Variants in ZNF558 observed in about 807,000 individuals in gnomAD.
ZNF558 encodes the protein zinc finger protein 558.
ZNF558 carries 23 observed loss-of-function variants against 37.6 expected under a neutral mutation model. The ratio of observed to expected loss-of-function variants is 0.61; its 90% CI spans 0.44 to 0.87. The LOEUF is 0.87. ZNF558 is among the 40% of genes least tolerant of loss of function. ZNF558 has a pLI of 0.00. For synonymous variants in ZNF558, 189 were observed against 174.4 expected, an observed-to-expected ratio of 1.08 and a Z score of -0.66; for missense variants, 429 against 483.7, an observed-to-expected ratio of 0.89 and a Z score of 1.06.
At chr19:8,836,651 C>T (rs2044459178), upstream of ZNF558, among the ~76,000 whole-genome samples, 1 of 152,038 alleles carries the variant, frequency 6.6e-6, no homozygotes, top group South Asian at 2.1e-4. Flanking sequence ...ACCACCACGC[C>T]CAGCTAGTTT....
intron 7 of ZNF558, among the ~76,000 whole-genome samples, chr19:8,816,715 A>G (rs1441494096): frequency 1.3e-5 from 2 of 152,244 alleles, no homozygotes; most frequent in African/African-American, 4.8e-5. Context: ...CCACAGAAGG[A>G]AGTGAAGAAC....
chr19:8,813,987 T>A (rs2043864678), intron 7 of ZNF558, among the ~76,000 whole-genome samples: 1 of 152,192 alleles, frequency 6.6e-6, no homozygotes, highest in African/African-American at 2.4e-5. Flanking sequence ...AAAGAAGTGA[T>A]GACAGTGACA....
At position 8,821,229 on chromosome 19, in the gene ZNF558, T is replaced by A; in HGVS notation, c.198A>T (p.Thr66=). The A allele has an allele frequency of 1.9e-6, 3 of 1,614,164 alleles. No individual in the cohort carries two copies. Among genetic ancestry groups the A allele is most frequent in the Non-Finnish European group, 2.5e-6 (3 of 1,180,026 alleles). Residue 66 remains threonine (T), a synonymous_variant, in exon 7 of 10, where the codon ACA becomes ACT. Transcript: ENST00000601372. ...EWALLDPAQR[T]LYRDVMLENC... ...TCTCCAGCATCACATCCCTGTACAGTGTCCTTTGGGCAGGGTCCAGCAACG... is the reference window on the plus strand; with the variant it reads ...TCTCCAGCATCACATCCCTGTACAGAGTCCTTTGGGCAGGGTCCAGCAACG...
rs944576064 is a variant in ZNF558 at position 8,824,135 on chromosome 19, G to A, written c.-119C>T. The A allele has an allele frequency of 1.3e-5, 2 of 152,398 alleles. No individual in the cohort carries two copies. Among genetic ancestry groups the A allele is most frequent in the African/African-American group, 4.8e-5 (2 of 41,446 alleles). 9.4% of individuals were successfully genotyped at this position (152,398 alleles called of 1,614,324 possible). ...AGACAGCGGGGGTGGGTGCAGGGGT[G>A]ACTTTCAGGACCAGGTCTTGGAAGG... is the stretch of plus-strand genomic sequence containing the variant. On this transcript the variant is annotated 5_prime_UTR_variant, in exon 4 of 10. Coordinates refer to ENST00000601372, the MANE Select transcript of ZNF558 (RefSeq NM_144693.3).
intron 7 of ZNF558, among the ~76,000 whole-genome samples, chr19:8,814,023 T>G (rs959269717): frequency 5.3e-5 from 8 of 152,172 alleles, no homozygotes; most frequent in African/African-American, 1.9e-4. Context: ...ATTCCAAACG[T>G]TCATCCCTCC....
upstream of ZNF558, among the ~76,000 whole-genome samples, chr19:8,834,063 A>G (rs773499096): frequency 2.0e-5 from 3 of 152,322 alleles, no homozygotes; most frequent in Non-Finnish European, 4.4e-5. Context: ...AAAAAATTTT[A>G]TGTAAGAGAG....
Position 8,821,426 on chromosome 19 carries a change from G to T in ZNF558, c.121-120C>A, listed in dbSNP as rs904659199. 2.5e-6 allele frequency: 4 copies of T among 1,583,012 alleles called. No homozygotes were observed. The African/African-American group carries it at 4.0e-5, about 16-fold the overall frequency. On this transcript the variant is annotated intron_variant, in intron 6 of 9. Transcript: ENST00000601372. Reference sequence around the variant, plus strand: ...ACCTGAGCACGAGATGTTGGGGGGGGTGGTTCTGAGCTCACCTCCCAGGGT... The same window carrying T: ...ACCTGAGCACGAGATGTTGGGGGGGTTGGTTCTGAGCTCACCTCCCAGGGT...
upstream of ZNF558, among the ~76,000 whole-genome samples, chr19:8,835,334 G>A (rs924036349): frequency 7.9e-5 from 12 of 152,106 alleles, no homozygotes; most frequent in Non-Finnish European, 1.8e-4. Context: ...TTACAGGTGT[G>A]AGCCACTGCA....
rs747562397 is a variant in ZNF558 at position 8,822,088 on chromosome 19, G to A, written c.35C>T (p.Pro12Leu). The A allele has an allele frequency of 8.7e-6, 14 of 1,613,872 alleles. No individual in the cohort carries two copies. Among genetic ancestry groups the A allele is most frequent in the Middle Eastern group, 3.3e-4 (2 of 6,082 alleles). ...CTGAGAGGCTGGGAACAGGGAAGAC[G>A]GAGCTGGAGGAGGAGAAATGAGTCC... ...AAVILPSTAA[P>L]SSLFPASQQK... is the part of the protein sequence containing the mutation. The change falls in exon 6 of 10, where the codon CCG becomes CTG. Residue 12 changes from proline (P) to leucine (L), a missense_variant. Pro to Leu is a moderately conservative substitution (Grantham distance 98). Coordinates refer to ENST00000601372, the MANE Select transcript of ZNF558 (RefSeq NM_144693.3). The surrounding 1 kb of genome is among the most constrained non-coding windows in gnomAD (Gnocchi z 4.4).
upstream of ZNF558, among the ~76,000 whole-genome samples, chr19:8,835,179 G>A (rs1340043897): frequency 6.6e-6 from 1 of 151,888 alleles, no homozygotes; most frequent in East Asian, 1.9e-4. Context: ...AGCCTCCCAA[G>A]TAGCTGGGAC....
At chr19:8,817,120 C>T (rs147520259) in intron 7 of ZNF558, among the ~76,000 whole-genome samples, 7 of 152,044 alleles carry the variant, frequency 4.6e-5, no homozygotes, top group Non-Finnish European at 8.8e-5. Flanking sequence ...TGATATGACA[C>T]GTAGAAAAAA....
chr19:8,818,400 C>T (rs1354766361), intron 7 of ZNF558, among the ~76,000 whole-genome samples: 2 of 151,974 alleles, frequency 1.3e-5, no homozygotes, highest in South Asian at 2.1e-4. Context: ...TGCAGTGAGC[C>T]GAGATCGCAC....
At chr19:8,823,299 CT>C (rs34890882) in intron 4 of ZNF558, among the ~76,000 whole-genome samples, 21,840 of 150,634 alleles carry the variant, frequency 0.14, 2,038 homozygotes, top group East Asian at 0.26. Context: ...CCTTTTTTCT[CT>C]CACCGCATGT....
Position 8,825,035 on chromosome 19 carries a change from A to C in ZNF558, c.-435T>G, listed in dbSNP as rs2044199697. 6.6e-6 allele frequency: 1 copy of C among 152,218 alleles called. No homozygotes were observed. The highest frequency in any genetic ancestry group is 2.4e-5 in the African/African-American group (1 of 41,406). The allele number at this position is 152,218 out of a possible 1,614,324, so 9.4% of individuals were successfully genotyped here. A position where few individuals can be genotyped will look rare whatever the true frequency, so the allele number is the denominator to read the frequency against. The stretch of plus-strand genomic sequence containing the variant: ...CGTGGATTGCAGCAACTCTGGCGCT[A>C]TTTCCTATCTGGCAGGTCAACAGAG... On this transcript the variant is annotated 5_prime_UTR_variant, in exon 3 of 10. It removes the in-frame stop codon of an upstream open reading frame in the 5' UTR. Transcript: ENST00000601372.
intron 7 of ZNF558, among the ~76,000 whole-genome samples, chr19:8,820,698 G>T (rs778230962): frequency 7.2e-5 from 11 of 152,050 alleles, no homozygotes; most frequent in Non-Finnish European, 1.3e-4. Context: ...GGCTGGTCTC[G>T]AACTCCTGCC....
chr19:8,822,684 C>T lies in ZNF558; in HGVS notation c.-25G>A. On this transcript the variant is annotated 5_prime_UTR_variant, in exon 5 of 10. Transcript: ENST00000601372. The surrounding 1 kb of genome is among the most constrained non-coding windows in gnomAD (Gnocchi z 4.4). ...TCCTGTGACTCCGACAGCAACAGGG[C>T]AGCCGGGAAGCAGGACGCTCCTCCT... 6.2e-7 allele frequency: 1 copy of T among 1,614,064 alleles called. No individual in the cohort carries two copies. The highest frequency in any genetic ancestry group is 1.7e-5 in the Admixed American group (1 of 60,020).
chr19:8,830,471 A>G (rs190915672), intron 2 of ZNF558, among the ~76,000 whole-genome samples: 69 of 152,336 alleles, frequency 4.5e-4, no homozygotes, highest in Middle Eastern at 3.4e-3. Flanking sequence ...AGGAAAAAAA[A>G]AATCCCATTA....
At position 8,822,813 on chromosome 19, in the gene ZNF558, C is replaced by T. The variant is rs1395370898; in HGVS notation, c.-65-89G>A. On this transcript the variant is annotated intron_variant, in intron 4 of 9. Coordinates refer to ENST00000601372, the MANE Select transcript of ZNF558 (RefSeq NM_144693.3). The surrounding 1 kb of genome is among the most constrained non-coding windows in gnomAD (Gnocchi z 4.4). ...GCCCTCCTCAACCCATCCTTCCCATCCTTCTTCAAATGCAAGTTCCGGCTT... is the reference window on the plus strand; with the variant it reads ...GCCCTCCTCAACCCATCCTTCCCATTCTTCTTCAAATGCAAGTTCCGGCTT... The T allele has an allele frequency of 7.5e-6, 9 of 1,196,966 alleles. No individual in the cohort carries two copies. The highest frequency in any genetic ancestry group is 1.1e-5 in the Non-Finnish European group (9 of 841,650). The allele number at this position is 1,196,966 out of a possible 1,614,324, so 74.1% of individuals were successfully genotyped here.
upstream of ZNF558, among the ~76,000 whole-genome samples, chr19:8,837,235 A>C (rs2044464945): frequency 6.6e-6 from 1 of 152,200 alleles, no homozygotes; most frequent in African/African-American, 2.4e-5. Context: ...TTTTACAGTG[A>C]TCTAAATCAG....
Sources: gnomAD v4.1 joint callset for allele counts (sites outside exome capture counted in the v4.1 genomes callset) on GRCh38, gnomAD v4.1.1 for gene constraint, Gnocchi (gnomAD v3.1) non-coding constraint, MANE v1.5 for transcripts, NCBI Gene and HGNC (gene_info 2026-07-23, HGNC 2026-07-21) for gene names.